The following ATP8A2 variants were observed in gnomAD, a reference collection of about 807,000 sequenced individuals.
The protein encoded by ATP8A2 is phospholipid-transporting ATPase IB.
A neutral mutation model predicts 165.6 loss-of-function variants in ATP8A2; 100 were observed. That is an observed-to-expected ratio of 0.60 (90% CI 0.51 to 0.71). The LOEUF (loss-of-function observed/expected upper bound fraction) is 0.71. Ranked by LOEUF, ATP8A2 falls within the 30% of genes least tolerant of loss-of-function variation. The pLI, the probability that ATP8A2 is intolerant of heterozygous loss-of-function variation, is 0.00. For synonymous variants in ATP8A2, 543 were observed against 548.8 expected (o/e 0.99, Z 0.15); for missense variants, 1,227 against 1,479.5 (o/e 0.83, Z 2.80).
chr13:25,469,143 G>A, intron 2 of ATP8A2, 22 bp downstream of exon 2: 3 of 1,611,726 alleles, frequency 1.9e-6, no homozygotes, highest in Non-Finnish European at 1.7e-6. Flanking sequence ...CGGCCGGCTC[G>A]CGCGGAAGGC....
intron 25 of ATP8A2, among the ~76,000 whole-genome samples, chr13:25,738,463 A>C (rs988784613): frequency 1.3e-5 from 2 of 151,858 alleles, no homozygotes; most frequent in Non-Finnish European, 2.9e-5. Flanking sequence ...ATGGCTGGGC[A>C]TGTGAACCCA....
At chr13:25,501,767 A>G (rs796520471) in intron 2 of ATP8A2, among the ~76,000 whole-genome samples, 3 of 152,202 alleles carry the variant, frequency 2.0e-5, no homozygotes, top group Admixed American at 6.5e-5. Flanking sequence ...AGGGCGAGGT[A>G]ATTTTCCCAG....
chr13:25,792,781 G>A (rs929406752), intron 27 of ATP8A2, among the ~76,000 whole-genome samples: 2 of 151,746 alleles, frequency 1.3e-5, no homozygotes, highest in Non-Finnish European at 2.9e-5. Context: ...ATAGCCGGGG[G>A]TGGTGGTATG....
At chr13:25,637,842 C>A (rs967869307) in intron 24 of ATP8A2, among the ~76,000 whole-genome samples, 2 of 152,216 alleles carry the variant, frequency 1.3e-5, no homozygotes, top group African/African-American at 2.4e-5. Context: ...AGTAGCCTAA[C>A]TGGGAGGCAT....
chr13:25,715,835 G>C (rs918231637), intron 25 of ATP8A2, among the ~76,000 whole-genome samples: 1 of 152,046 alleles, frequency 6.6e-6, no homozygotes, highest in African/African-American at 2.4e-5. Flanking sequence ...GGAATTGCTG[G>C]GGTATATGGT....
chr13:25,464,620 T>C (rs939067839), intron 1 of ATP8A2, among the ~76,000 whole-genome samples: 4 of 152,050 alleles, frequency 2.6e-5, no homozygotes, highest in Non-Finnish European at 5.9e-5. Context: ...GTGGCCCAAT[T>C]TGGACCAAGT....
intron 24 of ATP8A2, among the ~76,000 whole-genome samples, chr13:25,686,973 C>G (rs1187120348): frequency 1.3e-5 from 2 of 152,126 alleles, no homozygotes; most frequent in East Asian, 3.9e-4. Flanking sequence ...AGCTGTGTTC[C>G]TGTAGTCGAT....
chr13:26,010,082 A>G (rs1235860849), intron 35 of ATP8A2, among the ~76,000 whole-genome samples: 1 of 152,146 alleles, frequency 6.6e-6, no homozygotes, highest in Non-Finnish European at 1.5e-5. Context: ...AAAAGAAAAA[A>G]ATTAATTATA....
chr13:25,838,795 A>G (rs1374585193), intron 29 of ATP8A2, among the ~76,000 whole-genome samples: 5 of 152,190 alleles, frequency 3.3e-5, no homozygotes, highest in African/African-American at 7.2e-5. Context: ...CCGAATAGGA[A>G]TAGCTCTGGT....
chr13:25,377,745 T>C (rs2032686800), intron 1 of ATP8A2, among the ~76,000 whole-genome samples: 1 of 152,052 alleles, frequency 6.6e-6, no homozygotes, highest in Non-Finnish European at 1.5e-5. Flanking sequence ...TGAGCCAAGA[T>C]TGCACCATTG....
intron 33 of ATP8A2, among the ~76,000 whole-genome samples, chr13:25,952,011 G>C (rs544080010): frequency 6.6e-6 from 1 of 152,136 alleles, no homozygotes; most frequent in Non-Finnish European, 1.5e-5. Flanking sequence ...ACATACCAGT[G>C]GCTTGTTATT....
chr13:25,413,470 C>T (rs143385762), intron 1 of ATP8A2, among the ~76,000 whole-genome samples: 7,168 of 151,776 alleles, frequency 0.047, 246 homozygotes, highest in Middle Eastern at 0.11. Flanking sequence ...CTAGTAGAGA[C>T]GGAGTTTTGC....
intron 1 of ATP8A2, among the ~76,000 whole-genome samples, chr13:25,430,504 A>C (rs1409152984): frequency 6.6e-6 from 1 of 152,210 alleles, no homozygotes; most frequent in East Asian, 1.9e-4. Flanking sequence ...GCAGAAGGCC[A>C]CTGTAGTCGA....
At chr13:25,849,579 A>G (rs1388174827) in intron 30 of ATP8A2, among the ~76,000 whole-genome samples, 3 of 152,182 alleles carry the variant, frequency 2.0e-5, no homozygotes, top group African/African-American at 7.2e-5. Flanking sequence ...AATATTTTCA[A>G]AGAGATTTTT....
intron 25 of ATP8A2, among the ~76,000 whole-genome samples, chr13:25,714,822 A>G (rs924090866): frequency 6.6e-6 from 1 of 152,128 alleles, no homozygotes; most frequent in African/African-American, 2.4e-5. Context: ...AGCTACTTTT[A>G]TCTCCATGTT....
In ATP8A2 at chr13:25,886,904, A is replaced by G. The variant is rs564983238; in HGVS notation, c.3183+24496A>G. On this transcript the variant is annotated intron_variant, in intron 33 of 36. Transcript: ENST00000381655. ...GCTCATTGTAGGGTCAAATTTATGA[A>G]GAAAGGGGTAATCAGCTCAGGCACA... Among the ~76,000 whole-genome samples the G allele has an allele frequency of 4.6e-5, 7 of 152,294 alleles. No individual in the cohort carries two copies. In the South Asian group the frequency reaches 1.5e-3, roughly 32 times the overall value.
At chr13:25,884,884 C>T (rs1953095679) in intron 33 of ATP8A2, among the ~76,000 whole-genome samples, 1 of 152,152 alleles carries the variant, frequency 6.6e-6, no homozygotes, top group African/African-American at 2.4e-5. Context: ...CTGACGAGTC[C>T]ACTCTTGTCC....
At chr13:25,731,059 A>G (rs2043611932) in intron 25 of ATP8A2, among the ~76,000 whole-genome samples, 1 of 151,672 alleles carries the variant, frequency 6.6e-6, no homozygotes. Flanking sequence ...GGTCGCAAAA[A>G]AGAAGGAGAG....
intron 4 of ATP8A2, among the ~76,000 whole-genome samples, chr13:25,531,630 C>A (rs1473623234): frequency 6.6e-6 from 1 of 151,650 alleles, no homozygotes; most frequent in Non-Finnish European, 1.5e-5. Flanking sequence ...CCAAAAACCC[C>A]AAATCTGAAA....
Sources: gnomAD v4.1 joint callset for allele counts (sites outside exome capture counted in the v4.1 genomes callset) on GRCh38, gnomAD v4.1.1 for gene constraint, MANE v1.5 for transcripts, NCBI Gene and HGNC (gene_info 2026-07-23, HGNC 2026-07-21) for gene names.